KCNG2: variants seen among roughly 807,000 people sequenced by gnomAD.
The protein encoded by KCNG2 is voltage-gated potassium channel regulatory subunit KCNG2.
In KCNG2, 7 loss-of-function variants were observed where a neutral mutation model predicts 12.3. The observed-to-expected ratio is 0.57, with a 90% CI of 0.32 to 1.07. The LOEUF (loss-of-function observed/expected upper bound fraction) is 1.07, where lower values mean the gene tolerates loss of function less well. KCNG2 is among the 50% of genes least tolerant of loss of function. The pLI, the probability that KCNG2 is intolerant of heterozygous loss-of-function variation, is 0.04. For synonymous variants in KCNG2, 414 were observed against 351.4 expected (o/e 1.18, Z -1.99); for missense variants, 703 against 726.0 (o/e 0.97, Z 0.36).
intron 3 of KCNG2, among the ~76,000 whole-genome samples, chr18:79,878,810 G>C (rs942524821): frequency 1.1e-4 from 16 of 152,364 alleles, no homozygotes; most frequent in Non-Finnish European, 1.8e-4. Context: ...ACCGATGGGC[G>C]CTTTCCGCAC....
intron 3 of KCNG2, among the ~76,000 whole-genome samples, chr18:79,890,277 TATTA>T (rs1980699056): frequency 6.6e-6 from 1 of 152,194 alleles, no homozygotes; most frequent in Non-Finnish European, 1.5e-5. Context: ...GAGGAATTGG[TATTA>T]ATTCCTTTTT....
At chr18:79,890,402 G>A (rs1980703823) in intron 3 of KCNG2, among the ~76,000 whole-genome samples, 1 of 152,138 alleles carries the variant, frequency 6.6e-6, no homozygotes, top group African/African-American at 2.4e-5. Context: ...GAGGTTTGGG[G>A]TAGGATTGGT....
chr18:79,874,812 C>G (rs1217755763), intron 3 of KCNG2, among the ~76,000 whole-genome samples: 1 of 152,220 alleles, frequency 6.6e-6, no homozygotes, highest in East Asian at 1.9e-4. Flanking sequence ...TTCCAGGGCT[C>G]TGCCACGGTC....
intron 3 of KCNG2, among the ~76,000 whole-genome samples, chr18:79,864,999 G>T (rs942330471): frequency 7.3e-6 from 1 of 137,924 alleles, no homozygotes; most frequent in Non-Finnish European, 1.6e-5. Context: ...GTGCTGAGAG[G>T]TCTGGGTGCT....
chr18:79,850,498 TTTA>T (rs1186815728), intron 1 of KCNG2, among the ~76,000 whole-genome samples: 20 of 152,380 alleles, frequency 1.3e-4, no homozygotes, highest in South Asian at 1.2e-3. Context: ...TAGTCCATGT[TTTA>T]TTGTCTTTAT....
intron 3 of KCNG2, among the ~76,000 whole-genome samples, chr18:79,872,079 G>A (rs1190561879): frequency 1.3e-5 from 2 of 152,138 alleles, no homozygotes; most frequent in African/African-American, 2.4e-5. Context: ...AGACCCTGCA[G>A]AGGCTCGTGG....
chr18:79,841,147 T>C (rs1184344393), intron 1 of KCNG2, among the ~76,000 whole-genome samples: 2 of 152,120 alleles, frequency 1.3e-5, no homozygotes, highest in Non-Finnish European at 2.9e-5. Flanking sequence ...GGTGCACACC[T>C]GTAGTCCCAG....
intron 3 of KCNG2, among the ~76,000 whole-genome samples, chr18:79,865,187 G>C (rs1979425911): frequency 1.3e-5 from 2 of 148,982 alleles, no homozygotes; most frequent in African/African-American, 2.5e-5. Context: ...AGAGGTCTGG[G>C]TGCTGAGATA....
intron 1 of KCNG2, among the ~76,000 whole-genome samples, chr18:79,853,467 G>C (rs949598366): frequency 1.3e-5 from 2 of 152,170 alleles, no homozygotes; most frequent in African/African-American, 4.8e-5. Flanking sequence ...GTGCCGAGGG[G>C]AGCAAGGAGA....
At chr18:79,816,356 T>C (rs1466296983) in intron 1 of KCNG2, 1 of 152,370 alleles carries the variant, frequency 6.6e-6, no homozygotes, top group Non-Finnish European at 1.5e-5. Flanking sequence ...AGCACGTCTG[T>C]TCTCAGCGGA....
At chr18:79,818,146 C>T (rs1253440565) in intron 1 of KCNG2, among the ~76,000 whole-genome samples, 1 of 152,226 alleles carries the variant, frequency 6.6e-6, no homozygotes, top group Non-Finnish European at 1.5e-5. Flanking sequence ...TGGTGCCTGT[C>T]CTGGATCCAT....
rs1981125973 is a variant in KCNG2, at chr18:79,899,548, G to A, written c.1133G>A (p.Arg378His). 3.1e-6 allele frequency: 5 copies of A among 1,603,906 alleles called. No individual in the cohort carries two copies. Among genetic ancestry groups the A allele is most frequent in the Middle Eastern group, 1.7e-4 (1 of 6,036 alleles). ...GTGGGCTACGGCGACATGGTCCCGCGCAGCCTGCCCGGGCAGGTGGTGGCG... is the reference window on the plus strand; with the variant it reads ...GTGGGCTACGGCGACATGGTCCCGCACAGCCTGCCCGGGCAGGTGGTGGCG... ...TTVGYGDMVPRSLPGQVVALS... is the reference protein window; with the variant it reads ...TTVGYGDMVPHSLPGQVVALS... Residue 378 changes from arginine (R) to histidine (H), a missense_variant, in exon 4 of 4, where the codon CGC (arginine) becomes CAC (histidine). Coordinates refer to ENST00000316249, the MANE Select transcript of KCNG2 (RefSeq NM_012283.2).
At position 79,899,820 on chromosome 18, in the gene KCNG2, C is replaced by G. The variant is rs1981149202; in HGVS notation, c.*4C>G. 2 of 1,361,748 alleles carry G rather than the reference C, an allele frequency of 1.5e-6. No homozygotes were observed. The highest frequency in any genetic ancestry group is 1.9e-6 in the Non-Finnish European group (2 of 1,062,802). The allele number at this position is 1,361,748 out of a possible 1,614,324, so 84.4% of individuals were successfully genotyped here. On this transcript the variant is annotated 3_prime_UTR_variant, in exon 4 of 4. Coordinates refer to ENST00000316249, the MANE Select transcript of KCNG2 (RefSeq NM_012283.2). Reference sequence around the variant, plus strand: ...GTGGGTGCGGGCAGGGCGCTGACGCCTGCGCCGCCCACACGGAGACCCCCT... The same window carrying G: ...GTGGGTGCGGGCAGGGCGCTGACGCGTGCGCCGCCCACACGGAGACCCCCT...
intron 3 of KCNG2, among the ~76,000 whole-genome samples, chr18:79,878,590 G>A (rs993901510): frequency 2.6e-5 from 4 of 152,214 alleles, no homozygotes; most frequent in African/African-American, 4.8e-5. Context: ...TGGCAGTTCC[G>A]TAATTTATTC....
At chr18:79,816,663 C>T (rs1651129801) in intron 1 of KCNG2, 1 of 152,240 alleles carries the variant, frequency 6.6e-6, no homozygotes, top group South Asian at 2.1e-4. Context: ...AGCAACGTGT[C>T]ATTTGCTGTT....
chr18:79,872,110 C>G (rs1397081241), intron 3 of KCNG2, among the ~76,000 whole-genome samples: 2 of 152,000 alleles, frequency 1.3e-5, no homozygotes, highest in Non-Finnish European at 1.5e-5. Context: ...ACGGCAGGGC[C>G]TGGAAACTCC....
intron 1 of KCNG2, among the ~76,000 whole-genome samples, chr18:79,847,495 C>A (rs1468274073): frequency 6.6e-6 from 1 of 152,224 alleles, no homozygotes; most frequent in Non-Finnish European, 1.5e-5. Context: ...GCAGTGCGGA[C>A]CACGCTCCCT....
chr18:79,889,868 G>A (rs923642869), intron 3 of KCNG2, among the ~76,000 whole-genome samples: 1 of 152,244 alleles, frequency 6.6e-6, no homozygotes, highest in Non-Finnish European at 1.5e-5. Flanking sequence ...TAGCTGTGGG[G>A]TTTCTATAGA....
chr18:79,884,776 T>C lies in KCNG2; in HGVS notation c.625-14264T>C, dbSNP rs1980458068. 1.3e-5 allele frequency among the ~76,000 whole-genome samples: 2 copies of C among 152,292 alleles called. No homozygotes were observed. The highest frequency in any genetic ancestry group is 4.1e-4 in the South Asian group (2 of 4,824). On this transcript the variant is annotated intron_variant, in intron 3 of 3. Coordinates refer to ENST00000316249, the MANE Select transcript of KCNG2 (RefSeq NM_012283.2). This position sits in a 1 kb window ranked among gnomAD's most constrained non-coding sequence, Gnocchi z 5.5. Reference sequence around the variant, plus strand: ...CTGTGTTCCTCGGGGGGGCTCATCCTGGGGCCCAGGAACTCGGGAGCGGTT... The same window carrying C: ...CTGTGTTCCTCGGGGGGGCTCATCCCGGGGCCCAGGAACTCGGGAGCGGTT...
Sources: gnomAD v4.1 joint callset for allele counts (sites outside exome capture counted in the v4.1 genomes callset) on GRCh38, gnomAD v4.1.1 for gene constraint, Gnocchi (gnomAD v3.1) non-coding constraint, MANE v1.5 for transcripts, NCBI Gene and HGNC (gene_info 2026-07-23, HGNC 2026-07-21) for gene names.